Variants in RHOBTB2 observed in about 807,000 individuals in gnomAD.
RHOBTB2 encodes Rho related BTB domain containing 2.
RHOBTB2 carries 39 observed loss-of-function variants against 66.5 expected under a neutral mutation model. The observed-to-expected ratio is 0.59, with a 90% confidence interval of 0.45 to 0.77. The LOEUF is 0.77. Ranked by LOEUF, RHOBTB2 falls within the 30% of genes least tolerant of loss-of-function variation. RHOBTB2 has a pLI of 0.00. For synonymous variants in RHOBTB2, 390 were observed against 395.0 expected (o/e 0.99, Z 0.15); for missense variants, 755 against 999.1 (o/e 0.76, Z 3.29).
At chr8:22,995,914 G>T (rs944226200), upstream of RHOBTB2, 2 of 1,548,926 alleles carry the variant, frequency 1.3e-6, no homozygotes, top group Non-Finnish European at 1.7e-6. Context: ...GAAGGGTAAA[G>T]CTGCCTGTGA....
chr8:22,980,491 A>G, the RHOBTB2 span, among the ~76,000 whole-genome samples: 10 of 152,222 alleles, frequency 6.6e-5, no homozygotes, highest in African/African-American at 2.2e-4. Context: ...GTAAATTTAA[A>G]TCCTTCAGAT....
chr8:22,985,421 C>G (rs533855746), upstream of RHOBTB2, among the ~76,000 whole-genome samples: 4 of 152,178 alleles, frequency 2.6e-5, no homozygotes, highest in African/African-American at 7.2e-5. Flanking sequence ...GTGTGCTTAA[C>G]TAGGAGGCTG....
chr8:23,006,462 C>G lies in RHOBTB2; in HGVS notation c.483-266C>G. 1 of 563,126 alleles carries G rather than the reference C, an allele frequency of 1.8e-6. No individual in the cohort carries two copies. The highest frequency in any genetic ancestry group is 3.1e-6 in the Non-Finnish European group (1 of 317,712). The allele number at this position is 563,126 out of a possible 1,614,324, so 34.9% of individuals were successfully genotyped here. ...TGTTAAATACCCATGTGAAGCATTG[C>G]CTGCTAATTGCCAGAGAGGCAGTGC... On this transcript the variant is annotated intron_variant, in intron 4 of 9. Transcript: ENST00000251822. The surrounding 1 kb of genome is among the most constrained non-coding windows in gnomAD (Gnocchi z 6.1).
chr8:23,016,167 C>T (rs1811286312), intron 9 of RHOBTB2, among the ~76,000 whole-genome samples: 1 of 152,174 alleles, frequency 6.6e-6, no homozygotes, highest in African/African-American at 2.4e-5. Context: ...TGGGCATCCT[C>T]TGAGGCCTCC....
chr8:22,991,177 T>C (rs1810416832), intron 1 of RHOBTB2, among the ~76,000 whole-genome samples: 1 of 152,090 alleles, frequency 6.6e-6, no homozygotes, highest in Admixed American at 6.5e-5. Context: ...GCCAAAGCAA[T>C]GCAGCTGCCC....
At chr8:23,010,130 C>T (rs1178879695) in intron 6 of RHOBTB2, among the ~76,000 whole-genome samples, 3 of 152,036 alleles carry the variant, frequency 2.0e-5, no homozygotes, top group Non-Finnish European at 4.4e-5. Context: ...CAAAGGGTGC[C>T]AGTGAGTAGT....
At chr8:22,997,331 T>C (rs2128799696), upstream of RHOBTB2, among the ~76,000 whole-genome samples, 1 of 152,100 alleles carries the variant, frequency 6.6e-6, no homozygotes, top group Non-Finnish European at 1.5e-5. Context: ...GGGAAGGACT[T>C]TGATTTGGAG....
chr8:23,009,746 C>T lies in RHOBTB2; in HGVS notation c.1621-792C>T, dbSNP rs1009579808. On this transcript the variant is annotated intron_variant, in intron 6 of 9. Coordinates refer to ENST00000251822, the MANE Select transcript of RHOBTB2 (RefSeq NM_015178.3). ...GTACTTAAGGAAGGCTAAGTGGAAG[C>T]GTTGGGAGTTGGTCTCTGAAGTGGG... Among the ~76,000 whole-genome samples the T allele has an allele frequency of 1.1e-4, 17 of 152,214 alleles. No individual in the cohort carries two copies. In the South Asian group the frequency reaches 1.7e-3, roughly 15 times the overall value.
rs775528439 is a variant in RHOBTB2 at position 23,006,961 on chromosome 8, C to T, written c.716C>T (p.Pro239Leu). 3.3e-5 allele frequency: 53 copies of T among 1,611,560 alleles called. No individual in the cohort carries two copies. The highest frequency in any genetic ancestry group is 3.8e-5 in the Non-Finnish European group (45 of 1,179,970). The change falls in exon 5 of 10, where the codon CCG becomes CTG. Residue 239 changes from proline (P) to leucine (L), a missense_variant. Pro to Leu is a moderately conservative substitution (Grantham distance 98, BLOSUM62 -3). This residue lies in a region of RHOBTB2 where 247 missense variants were observed against 238.9 expected (regional missense o/e 1.03). Coordinates refer to ENST00000251822, the MANE Select transcript of RHOBTB2 (RefSeq NM_015178.3). The surrounding 1 kb of genome is among the most constrained non-coding windows in gnomAD (Gnocchi z 6.1). ...GCACCCTTCCTACCCCCCAAGCCAC[C>T]GCCCCCGATCATCGTGGTGCCCGAC... ...LQAPFLPPKP[P>L]PPIIVVPDPP...
At chr8:22,955,554 T>G in the RHOBTB2 span, among the ~76,000 whole-genome samples, 1 of 150,870 alleles carries the variant, frequency 6.6e-6, no homozygotes, top group Admixed American at 6.6e-5. Context: ...CATCAATTCA[T>G]TCAATAAATC....
the RHOBTB2 span, among the ~76,000 whole-genome samples, chr8:22,951,094 C>G: frequency 6.6e-6 from 1 of 152,098 alleles, no homozygotes; most frequent in East Asian, 1.9e-4. Context: ...AAATAATTTC[C>G]TCTTAACTGA....
chr8:22,953,178 T>C, the RHOBTB2 span, among the ~76,000 whole-genome samples: 1 of 152,168 alleles, frequency 6.6e-6, no homozygotes, highest in East Asian at 1.9e-4. Context: ...ACTTTTCCCT[T>C]ACCAATTGAG....
chr8:22,958,022 G>A, the RHOBTB2 span, among the ~76,000 whole-genome samples: 1 of 152,338 alleles, frequency 6.6e-6, no homozygotes, highest in East Asian at 1.9e-4. Context: ...CCCAGGAAAG[G>A]CCTAGGCAAA....
chr8:23,010,443 G>T, intron 6 of RHOBTB2, 95 bp from the exon 7 acceptor site: 1 of 1,416,290 alleles, frequency 7.1e-7, no homozygotes, highest in Non-Finnish European at 9.6e-7. Context: ...GGGGAGCCTG[G>T]GTGTGAGGGC....
chr8:22,981,794 G>A, the RHOBTB2 span, among the ~76,000 whole-genome samples: 1 of 152,320 alleles, frequency 6.6e-6, no homozygotes, highest in South Asian at 2.1e-4. Flanking sequence ...TACTCTTACA[G>A]CAAAGTGCCA....
rs943893227 is a variant in RHOBTB2, at chr8:23,007,232, T to G, written c.987T>G (p.His329Gln). The change falls in exon 5 of 10, where the codon CAT becomes CAG. Residue 329 changes from histidine (H) to glutamine (Q), a missense_variant. Around this residue, in one of 7 missense-constraint regions of RHOBTB2, gnomAD observed 247 missense variants for 238.9 expected, o/e 1.03. Transcript: ENST00000251822. ...GCCACTCTGATCAACACCACCACCA[T>G]CACCACCACCACCATGGGCGAGACT... ...HQGHSDQHHH[H>Q]HHHHHGRDFL... 6 of 1,609,526 alleles carry G rather than the reference T, an allele frequency of 3.7e-6. No homozygotes were observed. The Middle Eastern group carries it at 4.9e-4, about 132-fold the overall frequency.
chr8:23,005,122 G>A (rs74379865), intron 2 of RHOBTB2, among the ~76,000 whole-genome samples: 1 of 152,042 alleles, frequency 6.6e-6, no homozygotes, highest in Non-Finnish European at 1.5e-5. Context: ...TACCCTCTTA[G>A]TGTCTCTTCC....
At chr8:22,963,023 T>C in the RHOBTB2 span, among the ~76,000 whole-genome samples, 4 of 152,328 alleles carry the variant, frequency 2.6e-5, no homozygotes, top group Middle Eastern at 6.8e-3. Context: ...GGTCCTGTTA[T>C]CAGGACAAAG....
the RHOBTB2 span, among the ~76,000 whole-genome samples, chr8:22,967,339 T>C: frequency 1.3e-5 from 2 of 152,218 alleles, no homozygotes; most frequent in African/African-American, 2.4e-5. Context: ...CTGGGCATGG[T>C]GGCTCAGGCC....
Sources: allele counts gnomAD v4.1 joint callset (sites outside exome capture counted in the v4.1 genomes callset), GRCh38; gene constraint gnomAD v4.1.1; regional missense constraint gnomAD v4.1.1; non-coding constraint Gnocchi (gnomAD v3.1); transcripts MANE v1.5; gene names NCBI Gene and HGNC (gene_info 2026-07-23, HGNC 2026-07-21).